The following BRD10 variants were observed in gnomAD, a reference collection of about 807,000 sequenced individuals.
BRD10 encodes bromodomain containing 10.
chr9:5,943,727 A>G, the BRD10 span, among the ~76,000 whole-genome samples: 100 of 152,296 alleles, frequency 6.6e-4, no homozygotes, highest in African/African-American at 2.3e-3. Flanking sequence ...TTTAATGAAA[A>G]TATTTCCAAA....
the BRD10 span, among the ~76,000 whole-genome samples, chr9:5,931,475 G>C: frequency 6.6e-6 from 1 of 152,144 alleles, no homozygotes; most frequent in African/African-American, 2.4e-5. Flanking sequence ...TACTGAACTA[G>C]AAGACTGTAT....
the BRD10 span, among the ~76,000 whole-genome samples, chr9:5,976,608 T>G: frequency 3.9e-5 from 6 of 152,296 alleles, no homozygotes; most frequent in African/African-American, 1.4e-4. Flanking sequence ...TTCTCCCTTT[T>G]TGGTTATACA....
chr9:5,897,653 G>T, the BRD10 span: 4 of 1,613,174 alleles, frequency 2.5e-6, no homozygotes, highest in Non-Finnish European at 3.4e-6. Context: ...GAGCCTTGAT[G>T]GTTGGTAAAG....
At chr9:5,953,384 C>T in the BRD10 span, among the ~76,000 whole-genome samples, 13 of 152,034 alleles carry the variant, frequency 8.6e-5, no homozygotes, top group African/African-American at 2.4e-4. Context: ...GGGTGAGATT[C>T]TCTGCTTAGT....
the BRD10 span, among the ~76,000 whole-genome samples, chr9:5,983,962 T>TACACACACACAC: frequency 0.012 from 1,559 of 129,668 alleles, 13 homozygotes; most frequent in African/African-American, 0.014. Flanking sequence ...GTATATGCAT[T>TACACACACACAC]ACACACACAC....
chr9:5,991,361 A>G, the BRD10 span, among the ~76,000 whole-genome samples: 3 of 152,174 alleles, frequency 2.0e-5, no homozygotes, highest in African/African-American at 7.2e-5. Context: ...GCTTTGTGAC[A>G]GGCCTCCTGG....
At chr9:5,880,445 C>CG in the BRD10 span, among the ~76,000 whole-genome samples, 1,583 of 148,376 alleles carry the variant, frequency 0.011, 22 homozygotes, top group African/African-American at 0.036. Flanking sequence ...ACCTGGGAGA[C>CG]GGAGGTTGCA....
chr9:5,953,682 T>TTA, the BRD10 span, among the ~76,000 whole-genome samples: 1,154 of 151,314 alleles, frequency 7.6e-3, 18 homozygotes, highest in African/African-American at 0.026. Context: ...CTTTTATGTA[T>TTA]TATATATATA....
chr9:5,924,889 A>G, the BRD10 span: 1 of 1,285,178 alleles, frequency 7.8e-7, no homozygotes, highest in Non-Finnish European at 1.0e-6. Flanking sequence ...ATATGATTTA[A>G]ATTCTTGGAA....
the BRD10 span, among the ~76,000 whole-genome samples, chr9:5,979,716 T>C: frequency 2.6e-4 from 39 of 152,062 alleles, no homozygotes; most frequent in Non-Finnish European, 4.9e-4. Flanking sequence ...TTTTATTTTA[T>C]CTTTTAAGTA....
chr9:5,994,698 T>TA, the BRD10 span, among the ~76,000 whole-genome samples: 1 of 152,166 alleles, frequency 6.6e-6, no homozygotes, highest in Non-Finnish European at 1.5e-5. Flanking sequence ...CTCAGGCATG[T>TA]AGCCTCTCTC....
chr9:5,978,802 C>A, the BRD10 span, among the ~76,000 whole-genome samples: 6 of 152,170 alleles, frequency 3.9e-5, no homozygotes, highest in African/African-American at 1.2e-4. Context: ...CTACTACCAC[C>A]TTTATCAAAA....
the BRD10 span, among the ~76,000 whole-genome samples, chr9:5,997,293 C>G: frequency 6.6e-6 from 1 of 152,212 alleles, no homozygotes; most frequent in Non-Finnish European, 1.5e-5. Flanking sequence ...GAATACCACT[C>G]TTATTCCCCA....
chr9:5,988,093 G>A, the BRD10 span, among the ~76,000 whole-genome samples: 1 of 152,114 alleles, frequency 6.6e-6, no homozygotes, highest in East Asian at 1.9e-4. Context: ...TAATTCACTT[G>A]AGAATGAATA....
the BRD10 span, among the ~76,000 whole-genome samples, chr9:5,936,078 G>A: frequency 4.9e-4 from 74 of 152,062 alleles, 2 homozygotes; most frequent in East Asian, 5.6e-3. Context: ...TTCATTAGCC[G>A]GGCATGGGGG....
chr9:6,004,638 T>C, the BRD10 span, among the ~76,000 whole-genome samples: 3 of 152,242 alleles, frequency 2.0e-5, no homozygotes, highest in Non-Finnish European at 4.4e-5. Flanking sequence ...ATTCAAATAA[T>C]ATCTAAGTGA....
At chr9:5,891,779 A>T in the BRD10 span, among the ~76,000 whole-genome samples, 1 of 152,240 alleles carries the variant, frequency 6.6e-6, no homozygotes, top group Non-Finnish European at 1.5e-5. Context: ...TTAAGTAGGA[A>T]GGGAAACACA....
chr9:5,896,826 C>A, the BRD10 span, among the ~76,000 whole-genome samples: 2 of 152,166 alleles, frequency 1.3e-5, no homozygotes, highest in Admixed American at 6.5e-5. Context: ...AGATTGGCAC[C>A]CTGCTGCTTA....
At chr9:5,970,989 T>C in the BRD10 span, among the ~76,000 whole-genome samples, 1 of 137,752 alleles carries the variant, frequency 7.3e-6, no homozygotes, top group African/African-American at 2.8e-5. Flanking sequence ...GAGGCAGCGG[T>C]TACAGTGAGC....
Sources: gnomAD v4.1 joint callset for allele counts (sites outside exome capture counted in the v4.1 genomes callset) on GRCh38, gnomAD v4.1.1 for gene constraint, MANE v1.5 for transcripts, NCBI Gene and HGNC (gene_info 2026-07-23, HGNC 2026-07-21) for gene names.